Variants in NDFIP2 observed in about 807,000 individuals in gnomAD.
NDFIP2 encodes NEDD4 family-interacting protein 2.
A neutral mutation model predicts 36.0 loss-of-function variants in NDFIP2; 19 were observed. The ratio of observed to expected loss-of-function variants is 0.53; its 90% CI spans 0.37 to 0.77. The LOEUF (loss-of-function observed/expected upper bound fraction) is 0.77, where lower values mean the gene tolerates loss of function less well. Ranked by LOEUF, NDFIP2 falls within the 30% of genes least tolerant of loss-of-function variation. NDFIP2 has a pLI of 0.00. For synonymous variants in NDFIP2, 181 were observed against 167.7 expected (o/e 1.08, Z -0.61); for missense variants, 446 against 435.8 (o/e 1.02, Z -0.21).
chr13:79,481,214 G>T lies in NDFIP2; in HGVS notation c.11G>T (p.Arg4Leu), dbSNP rs535539840. ...CCACTGGCGGCGCGGATGGCACGCC[G>T]GCGGAGCCAGCGAGTCTGCGCGAGC... The part of the protein sequence containing the change: MAR[R>L]RSQRVCASGP... Residue 4 changes from arginine (R) to leucine (L), a missense_variant, in exon 1 of 8, where the codon CGG becomes CTG. Around this residue, in one of 2 missense-constraint regions of NDFIP2, gnomAD observed 369 missense variants for 304.8 expected, o/e 1.21. Coordinates refer to ENST00000218652, the MANE Select transcript of NDFIP2 (RefSeq NM_019080.3). The T allele has an allele frequency of 7.3e-6, 11 of 1,508,264 alleles. No homozygotes were observed. The highest frequency in any genetic ancestry group is 2.5e-5 in the South Asian group (2 of 80,132). 93.4% of individuals were successfully genotyped at this position (1,508,264 alleles called of 1,614,324 possible).
chr13:79,513,955 G>T (rs1874173747), intron 1 of NDFIP2, among the ~76,000 whole-genome samples: 2 of 152,124 alleles, frequency 1.3e-5, no homozygotes, highest in Non-Finnish European at 2.9e-5. Context: ...TAATGAATGT[G>T]CCATATAGAG....
chr13:79,537,601 C>A (rs1875291929), intron 3 of NDFIP2, among the ~76,000 whole-genome samples: 1 of 152,094 alleles, frequency 6.6e-6, no homozygotes, highest in African/African-American at 2.4e-5. Context: ...TATATGATTG[C>A]ACAATTTAAG....
Position 79,533,455 on chromosome 13 carries a change from G to A in NDFIP2, c.620G>A (p.Arg207Lys). 6.3e-7 allele frequency: 1 copy of A among 1,586,382 alleles called. No homozygotes were observed. The highest frequency in any genetic ancestry group is 8.5e-7 in the Non-Finnish European group (1 of 1,172,178). The change falls in exon 3 of 8, where the codon AGA (arginine) becomes AAA (lysine). Residue 207 changes from arginine (R) to lysine (K), a missense_variant and splice_region_variant. Physicochemically the swap from Arg to Lys is conservative, Grantham distance 26. Around this residue, in one of 2 missense-constraint regions of NDFIP2, gnomAD observed 369 missense variants for 304.8 expected, o/e 1.21. Coordinates refer to ENST00000218652, the MANE Select transcript of NDFIP2 (RefSeq NM_019080.3). ...GCTGCAGCAGCAGAAACATCTCAAA[G>A]AGTAAGAAAATTTCATCATTTCTTT... ...MAAAAAETSQ[R>K]IQEEECPPRD... is the part of the protein sequence containing the mutation.
intron 4 of NDFIP2, among the ~76,000 whole-genome samples, chr13:79,540,407 A>C (rs1215155797): frequency 1.3e-5 from 2 of 152,234 alleles, no homozygotes; most frequent in Non-Finnish European, 2.9e-5. Flanking sequence ...GGATTGACAT[A>C]GTAAACTCAT....
At position 79,555,905 on chromosome 13, in the gene NDFIP2, CTG is replaced by C. The variant is rs909317346; in HGVS notation, c.*3395_*3396del. 6 of 152,164 alleles carry C rather than the reference CTG, an allele frequency of 3.9e-5. No homozygotes were observed. The highest frequency in any genetic ancestry group is 4.8e-5 in the African/African-American group (2 of 41,446). The allele number at this position is 152,164 out of a possible 1,614,324, so 9.4% of individuals were successfully genotyped here. ...GTTTAAGATTCGCATATTATCATGA[CTG>C]TGACCTCACTAAACTGTTTATGTGA... On this transcript the variant is annotated 3_prime_UTR_variant, in exon 8 of 8. Coordinates refer to ENST00000218652, the MANE Select transcript of NDFIP2 (RefSeq NM_019080.3).
At position 79,493,607 on chromosome 13, in the gene NDFIP2, CT is replaced by C. The variant is rs771270641; in HGVS notation, c.321+12084del. Among the ~76,000 whole-genome samples, 82 of 152,244 alleles carry C rather than the reference CT, an allele frequency of 5.4e-4. No homozygotes were observed. In the Middle Eastern group the frequency reaches 0.01, roughly 19 times the overall value. ...TACAGAAGACTATCCGAGGGAGGTTCTGTTCAAGGTTATGCAGGAAAGCTTA... is the reference window on the plus strand; with the variant it reads ...TACAGAAGACTATCCGAGGGAGGTTCGTTCAAGGTTATGCAGGAAAGCTTA... On this transcript the variant is annotated intron_variant, in intron 1 of 7. Coordinates refer to ENST00000218652, the MANE Select transcript of NDFIP2 (RefSeq NM_019080.3).
rs1164033526 is a variant in NDFIP2 at position 79,555,598 on chromosome 13, A to C, written c.*3085A>C. ...GTATTTTTTTTAATAGTTGTATTTG[A>C]ATGATTCCAGCTTATCGTAAATACT... is the stretch of plus-strand genomic sequence containing the variant. On this transcript the variant is annotated 3_prime_UTR_variant, in exon 8 of 8. Coordinates refer to ENST00000218652, the MANE Select transcript of NDFIP2 (RefSeq NM_019080.3). The C allele has an allele frequency of 6.6e-6, 1 of 151,986 alleles. No homozygotes were observed. Among genetic ancestry groups the C allele is most frequent in the African/African-American group, 2.4e-5 (1 of 41,410 alleles). 9.4% of individuals were successfully genotyped at this position (151,986 alleles called of 1,614,324 possible).
intron 1 of NDFIP2, among the ~76,000 whole-genome samples, chr13:79,500,727 T>C (rs369669772): frequency 2.0e-5 from 3 of 152,028 alleles, no homozygotes; most frequent in Non-Finnish European, 2.9e-5. Context: ...CAGACTGATA[T>C]AGCCACATGG....
chr13:79,501,544 G>T (rs752275925), intron 1 of NDFIP2, among the ~76,000 whole-genome samples: 17 of 152,016 alleles, frequency 1.1e-4, no homozygotes, highest in Admixed American at 3.3e-4. Flanking sequence ...TTGAGAGAGG[G>T]AAACAGAAAG....
intron 2 of NDFIP2, among the ~76,000 whole-genome samples, chr13:79,526,012 T>A (rs1026303111): frequency 5.3e-5 from 8 of 152,198 alleles, no homozygotes; most frequent in African/African-American, 1.9e-4. Context: ...TTAGCAATAT[T>A]AGTGAGATCT....
chr13:79,508,098 A>G (rs1873940145), intron 1 of NDFIP2, among the ~76,000 whole-genome samples: 1 of 152,214 alleles, frequency 6.6e-6, no homozygotes, highest in Non-Finnish European at 1.5e-5. Context: ...GTGATGGTTA[A>G]TACAGATCTA....
chr13:79,520,963 C>T lies in NDFIP2; in HGVS notation c.475C>T (p.Pro159Ser), dbSNP rs772305104. ...PPYSSITVEV[P>S]TTSDTEVYGE... is the part of the protein sequence containing the mutation. ...ATATAGTAGTATTACTGTGGAAGTACCTACAACTTCAGGTATGAAACATCT... is the reference window on the plus strand; with the variant it reads ...ATATAGTAGTATTACTGTGGAAGTATCTACAACTTCAGGTATGAAACATCT... The change falls in exon 2 of 8, where the codon CCT becomes TCT. Residue 159 changes from proline to serine, a missense_variant. By Grantham distance (74) the Pro-to-Ser change is moderately conservative. Transcript: ENST00000218652. The T allele has an allele frequency of 4.4e-6, 7 of 1,596,790 alleles. No individual in the cohort carries two copies. Among genetic ancestry groups the T allele is most frequent in the Middle Eastern group, 1.7e-4 (1 of 5,986 alleles).
intron 1 of NDFIP2, among the ~76,000 whole-genome samples, chr13:79,492,365 T>G (rs1311835011): frequency 6.6e-6 from 1 of 151,926 alleles, no homozygotes; most frequent in African/African-American, 2.4e-5. Flanking sequence ...ACTTTTTGTG[T>G]GATTTCTGTC....
At chr13:79,540,671 C>T (rs995598156) in intron 4 of NDFIP2, among the ~76,000 whole-genome samples, 8 of 152,062 alleles carry the variant, frequency 5.3e-5, no homozygotes, top group Admixed American at 3.3e-4. Flanking sequence ...GTAGAAAATA[C>T]AGCCTTCGTG....
chr13:79,533,254 T>C (rs1461532861), intron 2 of NDFIP2, 69 bp from the exon 3 acceptor site: 17 of 1,479,892 alleles, frequency 1.1e-5, no homozygotes, highest in Non-Finnish European at 1.6e-5. Context: ...TTGTAAATTA[T>C]TAAGTCATGG....
Position 79,553,195 on chromosome 13 carries a change from T to TAC in NDFIP2, c.*686_*687dup, listed in dbSNP as rs1266230279. ...AACTAAATATATATGTGTATATGTA[T>TAC]ACACATATATATACACACACACATA... On this transcript the variant is annotated 3_prime_UTR_variant, in exon 8 of 8. Coordinates refer to ENST00000218652, the MANE Select transcript of NDFIP2 (RefSeq NM_019080.3). 4.0e-5 allele frequency: 6 copies of TAC among 151,118 alleles called. No individual in the cohort carries two copies. The highest frequency in any genetic ancestry group is 1.5e-4 in the African/African-American group (6 of 41,350). The allele number at this position is 151,118 out of a possible 1,614,324, so 9.4% of individuals were successfully genotyped here. A position where few individuals can be genotyped will look rare whatever the true frequency, so the allele number is the denominator to read the frequency against.
chr13:79,498,870 G>A (rs1173239138), intron 1 of NDFIP2, among the ~76,000 whole-genome samples: 2 of 151,774 alleles, frequency 1.3e-5, no homozygotes, highest in African/African-American at 2.4e-5. Context: ...ATTTCAATTC[G>A]CTACAGTCTT....
chr13:79,536,707 G>T (rs1215180993), intron 3 of NDFIP2, among the ~76,000 whole-genome samples: 1 of 151,900 alleles, frequency 6.6e-6, no homozygotes, highest in Non-Finnish European at 1.5e-5. Context: ...TTTGTGTTTC[G>T]ATTTTTTCTA....
chr13:79,515,090 C>T (rs1874234590), intron 1 of NDFIP2, among the ~76,000 whole-genome samples: 1 of 152,138 alleles, frequency 6.6e-6, no homozygotes, highest in Non-Finnish European at 1.5e-5. Context: ...CATACCTTGG[C>T]CGTATGGTAT....
Sources: gnomAD v4.1 joint callset for allele counts (sites outside exome capture counted in the v4.1 genomes callset) on GRCh38, gnomAD v4.1.1 for gene constraint, gnomAD v4.1.1 regional missense constraint, MANE v1.5 for transcripts, NCBI Gene and HGNC (gene_info 2026-07-23, HGNC 2026-07-21) for gene names.